The following CAMK1D variants were observed in gnomAD, a reference collection of about 807,000 sequenced individuals.
CAMK1D encodes calcium/calmodulin-dependent protein kinase type 1D.
CAMK1D carries 9 observed loss-of-function variants against 47.7 expected under a neutral mutation model. The ratio of observed to expected loss-of-function variants is 0.19; its 90% CI spans 0.11 to 0.33. The LOEUF (loss-of-function observed/expected upper bound fraction) is 0.33, where lower values mean the gene tolerates loss of function less well. Among genes scored for constraint, CAMK1D ranks in the 10% least tolerant of loss-of-function variants. The pLI, the probability that CAMK1D is intolerant of heterozygous loss-of-function variation, is 1.00. For synonymous variants in CAMK1D, 184 were observed against 184.9 expected, an observed-to-expected ratio of 0.99 and a Z score of 0.04; for missense variants, 291 against 488.7, an observed-to-expected ratio of 0.60 and a Z score of 3.81.
intron 4 of CAMK1D, among the ~76,000 whole-genome samples, chr10:12,763,643 A>C (rs1836607930): frequency 6.6e-6 from 1 of 152,168 alleles, no homozygotes; most frequent in South Asian, 2.1e-4. Flanking sequence ...AAATGTCCCT[A>C]GGCATTGCCA....
chr10:12,481,799 C>A (rs1277155912), intron 1 of CAMK1D, among the ~76,000 whole-genome samples: 9 of 152,188 alleles, frequency 5.9e-5, no homozygotes, highest in Non-Finnish European at 2.9e-5. Flanking sequence ...TAGGCCACCA[C>A]GCCTGGCCTA....
chr10:12,825,701 A>G lies in CAMK1D; in HGVS notation c.1039+11A>G, dbSNP rs377591889. On this transcript the variant is annotated intron_variant, in intron 10 of 10. Coordinates refer to ENST00000619168, the MANE Select transcript of CAMK1D (RefSeq NM_153498.4). ...CCAGCCAAAAAGACTGTGCGTATGT[A>G]GCAAAACCAGAATCCCTCAGCTGAC... The G allele has an allele frequency of 1.9e-6, 3 of 1,614,092 alleles. No individual in the cohort carries two copies. The African/African-American group carries it at 4.0e-5, about 22-fold the overall frequency.
At chr10:12,808,295 A>G (rs936991684) in intron 6 of CAMK1D, among the ~76,000 whole-genome samples, 3 of 152,178 alleles carry the variant, frequency 2.0e-5, no homozygotes, top group Non-Finnish European at 4.4e-5. Flanking sequence ...TGCCTCTCTC[A>G]CCCACTCTGA....
intron 4 of CAMK1D, among the ~76,000 whole-genome samples, chr10:12,765,408 G>A (rs573242603): frequency 2.2e-3 from 329 of 151,998 alleles, no homozygotes; most frequent in Middle Eastern, 6.8e-3. Context: ...GGGAAATTAG[G>A]GGGATTTTTG....
At chr10:12,808,544 G>A (rs56144639) in intron 6 of CAMK1D, among the ~76,000 whole-genome samples, 7,508 of 152,204 alleles carry the variant, frequency 0.049, 618 homozygotes, top group African/African-American at 0.17. Context: ...TTGGGAGGCC[G>A]AGCTGGGTGG....
intron 2 of CAMK1D, among the ~76,000 whole-genome samples, chr10:12,613,019 C>G (rs4484995): frequency 0.074 from 11,182 of 152,132 alleles, 929 homozygotes; most frequent in East Asian, 0.2. Context: ...GGGGTGGTGC[C>G]TCTGTCCCTC....
intron 3 of CAMK1D, 77 bp from the exon 4 acceptor site, chr10:12,760,871 A>AT: frequency 2.6e-6 from 4 of 1,524,398 alleles, no homozygotes; most frequent in Non-Finnish European, 1.8e-6. Flanking sequence ...AAAGTTTGGG[A>AT]TTTTTTTCAC....
rs869192068 is a variant in CAMK1D, at chr10:12,777,363, CTTTTTTTTTTTTTT to C, written c.565+7577_565+7590del. 5.6e-5 allele frequency among the ~76,000 whole-genome samples: 5 copies of C among 88,524 alleles called. No homozygotes were observed. The East Asian group carries it at 1.6e-3, about 28-fold the overall frequency. 58.1% of individuals were successfully genotyped at this position (88,524 alleles called of 152,430 possible). Reference sequence around the variant, plus strand: ...CAAGTAAGATGAGGATTTGGTTGAACTTTTTTTTTTTTTTTTTTTTTTTTTTGAGACGGAGTTTT... The same window carrying C: ...CAAGTAAGATGAGGATTTGGTTGAACTTTTTTTTTTTTGAGACGGAGTTTT... On this transcript the variant is annotated intron_variant, in intron 5 of 10. Transcript: ENST00000619168.
intron 3 of CAMK1D, among the ~76,000 whole-genome samples, chr10:12,756,742 C>T (rs576687231): frequency 4.0e-4 from 61 of 152,192 alleles, no homozygotes; most frequent in Middle Eastern, 3.4e-3. Flanking sequence ...CTGGCTAACA[C>T]GGTGAAACCC....
chr10:12,353,989 G>T (rs1481317031), intron 1 of CAMK1D, among the ~76,000 whole-genome samples: 1 of 152,092 alleles, frequency 6.6e-6, no homozygotes, highest in Non-Finnish European at 1.5e-5. Context: ...GAAAGCTTCG[G>T]TGTGGTGTCT....
intron 1 of CAMK1D, among the ~76,000 whole-genome samples, chr10:12,385,531 T>G (rs1170569971): frequency 1.3e-5 from 2 of 152,300 alleles, no homozygotes; most frequent in East Asian, 3.9e-4. Context: ...TCCATTTATA[T>G]AAAATATCCA....
intron 2 of CAMK1D, among the ~76,000 whole-genome samples, chr10:12,633,209 G>A (rs1839428550): frequency 6.6e-6 from 1 of 152,226 alleles, no homozygotes; most frequent in Admixed American, 6.5e-5. Context: ...CACTTTGGGA[G>A]AAGATGGGGA....
intron 8 of CAMK1D, 47 bp downstream of exon 8, chr10:12,816,375 TG>T (rs771621460): frequency 1.0e-4 from 154 of 1,476,050 alleles, no homozygotes; most frequent in Admixed American, 1.9e-4. Context: ...TAATGCCATC[TG>T]GGGGGGGCAC....
At chr10:12,615,312 C>A in intron 2 of CAMK1D, among the ~76,000 whole-genome samples, 1 of 152,320 alleles carries the variant, frequency 6.6e-6, no homozygotes, top group East Asian at 1.9e-4. Flanking sequence ...ATTTTATATT[C>A]CATTTCCATC....
At chr10:12,601,514 AGTGC>A (rs755874282) in intron 2 of CAMK1D, among the ~76,000 whole-genome samples, 11 of 152,174 alleles carry the variant, frequency 7.2e-5, no homozygotes, top group Admixed American at 2.0e-4. Context: ...TCCAGGCTGG[AGTGC>A]AATGGCAAAA....
intron 1 of CAMK1D, among the ~76,000 whole-genome samples, chr10:12,529,321 C>A (rs1835729924): frequency 6.6e-6 from 1 of 152,156 alleles, no homozygotes; most frequent in South Asian, 2.1e-4. Context: ...GGTTGGCACA[C>A]TGGGGTCAGG....
intron 2 of CAMK1D, among the ~76,000 whole-genome samples, chr10:12,648,622 C>G (rs190974308): frequency 6.6e-6 from 1 of 152,212 alleles, no homozygotes; most frequent in Non-Finnish European, 1.5e-5. Context: ...AGGCATGCGC[C>G]ACCATGCCTG....
intron 4 of CAMK1D, among the ~76,000 whole-genome samples, chr10:12,767,532 C>G (rs1240928368): frequency 1.3e-5 from 2 of 152,126 alleles, no homozygotes; most frequent in Non-Finnish European, 2.9e-5. Flanking sequence ...GTGCCCATGA[C>G]ACAGCCTCAA....
At chr10:12,663,185 T>C (rs1449438364) in intron 2 of CAMK1D, among the ~76,000 whole-genome samples, 1 of 151,810 alleles carries the variant, frequency 6.6e-6, no homozygotes, top group Non-Finnish European at 1.5e-5. Flanking sequence ...GGTCTGGAAC[T>C]CCTGACCTCA....
Sources: allele counts gnomAD v4.1 joint callset (sites outside exome capture counted in the v4.1 genomes callset), GRCh38; gene constraint gnomAD v4.1.1; transcripts MANE v1.5; gene names NCBI Gene and HGNC (gene_info 2026-07-23, HGNC 2026-07-21).